The following TNNI3K variants were observed in gnomAD, a reference collection of about 807,000 sequenced individuals.
The protein encoded by TNNI3K is serine/threonine-protein kinase TNNI3K.
In TNNI3K, 140 loss-of-function variants were observed where a neutral mutation model predicts 114.5. That is an observed-to-expected ratio of 1.22 (90% CI 1.07 to 1.41). TNNI3K has a LOEUF of 1.41. TNNI3K is among the 40% of genes most tolerant of loss of function. The pLI is 0.00. For missense variants in TNNI3K, 1,125 were observed against 1,007.6 expected (o/e 1.12, Z -1.58); for synonymous variants, 347 against 347.5 (o/e 1.00, Z 0.02).
intron 17 of TNNI3K, chr1:74,416,652 G>T (rs1665129563): frequency 1.4e-6 from 1 of 717,450 alleles, no homozygotes; most frequent in South Asian, 6.3e-5. Context: ...TTAGATACAT[G>T]AATTTTAATT....
intron 23 of TNNI3K, among the ~76,000 whole-genome samples, chr1:74,539,827 A>G (rs1646704356): frequency 6.6e-6 from 1 of 151,874 alleles, no homozygotes; most frequent in Non-Finnish European, 1.5e-5. Context: ...TCATAAAAAT[A>G]ATATAATAAT....
chr1:74,506,702 C>G (rs1034857841), intron 23 of TNNI3K, among the ~76,000 whole-genome samples: 1 of 152,156 alleles, frequency 6.6e-6, no homozygotes, highest in East Asian at 1.9e-4. Flanking sequence ...TTTTAACAGG[C>G]GACTTGCAAA....
chr1:74,520,057 G>A (rs1040018451), intron 23 of TNNI3K, among the ~76,000 whole-genome samples: 2 of 152,098 alleles, frequency 1.3e-5, no homozygotes, highest in South Asian at 2.1e-4. Context: ...GGTTGCATGA[G>A]TAAGTTCTTT....
intron 20 of TNNI3K, among the ~76,000 whole-genome samples, chr1:74,441,632 G>A (rs1325604): frequency 0.77 from 117,435 of 151,996 alleles, 46,041 homozygotes; most frequent in Middle Eastern, 0.89. Flanking sequence ...GTTGTTTCAC[G>A]TCCTTGCCAG....
At chr1:74,261,857 A>G (rs915030898) in intron 4 of TNNI3K, among the ~76,000 whole-genome samples, 1 of 152,094 alleles carries the variant, frequency 6.6e-6, no homozygotes, top group Non-Finnish European at 1.5e-5. Flanking sequence ...TTTAATTCCT[A>G]TCATTCAGAA....
At chr1:74,428,812 G>A (rs183308545) in intron 17 of TNNI3K, among the ~76,000 whole-genome samples, 17 of 152,196 alleles carry the variant, frequency 1.1e-4, no homozygotes. Context: ...GTGTGTGCCT[G>A]TAGTCCTTGC....
intron 5 of TNNI3K, among the ~76,000 whole-genome samples, chr1:74,308,213 A>C (rs866922928): frequency 6.6e-6 from 1 of 152,050 alleles, no homozygotes; most frequent in Non-Finnish European, 1.5e-5. Flanking sequence ...CAGAATATAC[A>C]TTCTCCTCTG....
chr1:74,320,377 T>A (rs1477017018), intron 5 of TNNI3K, among the ~76,000 whole-genome samples: 2 of 152,188 alleles, frequency 1.3e-5, no homozygotes, highest in Non-Finnish European at 2.9e-5. Context: ...AAGCACCAAT[T>A]TCATGGAATC....
intron 23 of TNNI3K, among the ~76,000 whole-genome samples, chr1:74,495,721 C>T (rs1669294651): frequency 6.6e-6 from 1 of 152,162 alleles, no homozygotes; most frequent in African/African-American, 2.4e-5. Flanking sequence ...GGAATTCTCA[C>T]TCAGGACTCT....
At chr1:74,361,171 A>G (rs1661946443) in intron 11 of TNNI3K, among the ~76,000 whole-genome samples, 1 of 152,102 alleles carries the variant, frequency 6.6e-6, no homozygotes, top group South Asian at 2.1e-4. Context: ...AATATTTTAA[A>G]ATATGTTCTA....
intron 23 of TNNI3K, among the ~76,000 whole-genome samples, chr1:74,524,669 C>CAAAT (rs1646479147): frequency 2.0e-5 from 3 of 151,196 alleles, no homozygotes; most frequent in Admixed American, 2.0e-4. Flanking sequence ...GGAGATACAG[C>CAAAT]AGCAAATAAA....
chr1:74,321,487 C>G (rs576009418), intron 5 of TNNI3K, among the ~76,000 whole-genome samples: 12 of 152,012 alleles, frequency 7.9e-5, no homozygotes, highest in Non-Finnish European at 1.5e-4. Flanking sequence ...AATGATATCA[C>G]TTGTATCTTC....
chr1:74,312,170 G>A (rs544670262), intron 5 of TNNI3K, among the ~76,000 whole-genome samples: 12 of 152,212 alleles, frequency 7.9e-5, no homozygotes, highest in African/African-American at 2.6e-4. Flanking sequence ...AAAGAAAGTC[G>A]GGGGGAGATA....
chr1:74,515,639 T>C (rs2100395071), intron 23 of TNNI3K, among the ~76,000 whole-genome samples: 1 of 152,198 alleles, frequency 6.6e-6, no homozygotes, highest in South Asian at 2.1e-4. Context: ...TGACATCCGA[T>C]GTAGTCAAAC....
At chr1:74,238,435 C>A (rs1653990295) in intron 2 of TNNI3K, among the ~76,000 whole-genome samples, 1 of 151,818 alleles carries the variant, frequency 6.6e-6, no homozygotes, top group Admixed American at 6.6e-5. Flanking sequence ...TTGGAAATTT[C>A]TATTATCATG....
chr1:74,322,863 T>G (rs1196624087), intron 5 of TNNI3K, among the ~76,000 whole-genome samples: 7 of 152,250 alleles, frequency 4.6e-5, no homozygotes, highest in Middle Eastern at 3.4e-3. Flanking sequence ...CAAAACTTAC[T>G]GCAGGATGTT....
At chr1:74,355,706 G>C (rs1661618099) in intron 11 of TNNI3K, among the ~76,000 whole-genome samples, 1 of 152,108 alleles carries the variant, frequency 6.6e-6, no homozygotes, top group South Asian at 2.1e-4. Context: ...TGAAAATGTA[G>C]AGCTGTTGTA....
chr1:74,427,011 A>G (rs1243408673), intron 17 of TNNI3K, among the ~76,000 whole-genome samples: 1 of 152,086 alleles, frequency 6.6e-6, no homozygotes, highest in Non-Finnish European at 1.5e-5. Flanking sequence ...AGAATAAGGG[A>G]TCATTTAATG....
chr1:74,483,701 G>T (rs1668612087), intron 21 of TNNI3K, among the ~76,000 whole-genome samples: 1 of 152,096 alleles, frequency 6.6e-6, no homozygotes, highest in African/African-American at 2.4e-5. Flanking sequence ...TTTTAATTCT[G>T]CAACCCAATT....
Sources: gnomAD v4.1 joint callset for allele counts (sites outside exome capture counted in the v4.1 genomes callset) on GRCh38, gnomAD v4.1.1 for gene constraint, MANE v1.5 for transcripts, NCBI Gene and HGNC (gene_info 2026-07-23, HGNC 2026-07-21) for gene names.